Variants in NRG1 observed in about 807,000 individuals in gnomAD.
NRG1 encodes neuregulin 1.
In NRG1, 18 loss-of-function variants were observed where a neutral mutation model predicts 63.8. The ratio of observed to expected loss-of-function variants is 0.28; its 90% CI spans 0.19 to 0.42. The LOEUF (loss-of-function observed/expected upper bound fraction) is 0.42, where lower values mean the gene tolerates loss of function less well. Among genes scored for constraint, NRG1 ranks in the 10% least tolerant of loss-of-function variants. The pLI, the probability that NRG1 is intolerant of heterozygous loss-of-function variation, is 1.00. For synonymous variants in NRG1, 302 were observed against 301.3 expected, an observed-to-expected ratio of 1.00 and a Z score of -0.02; for missense variants, 762 against 814.7, an observed-to-expected ratio of 0.94 and a Z score of 0.79.
At chr8:32,686,711 A>C (rs1810239008) in intron 5 of NRG1, among the ~76,000 whole-genome samples, 1 of 152,224 alleles carries the variant, frequency 6.6e-6, no homozygotes, top group Admixed American at 6.5e-5. Context: ...CTGTCTAGAC[A>C]TGGAGTACAT....
At chr8:31,753,827 A>G (rs942271673) in intron 1 of NRG1, among the ~76,000 whole-genome samples, 2 of 152,006 alleles carry the variant, frequency 1.3e-5, no homozygotes, top group African/African-American at 4.8e-5. Flanking sequence ...ATTAGTTATT[A>G]TTTTAGTTCA....
At chr8:32,577,621 A>G (rs540180037) in intron 1 of NRG1, among the ~76,000 whole-genome samples, 4 of 152,350 alleles carry the variant, frequency 2.6e-5, no homozygotes, top group South Asian at 4.1e-4. Context: ...TGAACCTAAT[A>G]AAAAACTAGC....
At chr8:31,888,266 A>T (rs952551724) in intron 1 of NRG1, among the ~76,000 whole-genome samples, 1 of 152,102 alleles carries the variant, frequency 6.6e-6, no homozygotes, top group African/African-American at 2.4e-5. Context: ...TAAATTAAGT[A>T]TGTTGACAAT....
intron 1 of NRG1, among the ~76,000 whole-genome samples, chr8:32,570,788 A>T (rs780619289): frequency 1.4e-4 from 22 of 152,150 alleles, no homozygotes; most frequent in Non-Finnish European, 3.1e-4. Flanking sequence ...CAAATTATTG[A>T]TGATTATGGA....
chr8:31,944,655 T>G (rs752283460), intron 1 of NRG1, among the ~76,000 whole-genome samples: 8 of 152,160 alleles, frequency 5.3e-5, no homozygotes, highest in Non-Finnish European at 8.8e-5. Flanking sequence ...ATTTCACAGA[T>G]CCTAAACATG....
intron 1 of NRG1, among the ~76,000 whole-genome samples, chr8:32,359,245 A>C (rs1371290590): frequency 1.3e-5 from 2 of 152,232 alleles, no homozygotes; most frequent in African/African-American, 4.8e-5. Flanking sequence ...TAAGGAAAGC[A>C]TAATCACCTA....
intron 1 of NRG1, among the ~76,000 whole-genome samples, chr8:31,838,018 A>G (rs1825843859): frequency 6.6e-6 from 1 of 152,096 alleles, no homozygotes; most frequent in Admixed American, 6.6e-5. Context: ...GCTGGTTCAT[A>G]TATTTTTAAC....
chr8:32,388,274 T>C (rs1165782219), intron 1 of NRG1, among the ~76,000 whole-genome samples: 1 of 152,216 alleles, frequency 6.6e-6, no homozygotes, highest in Non-Finnish European at 1.5e-5. Flanking sequence ...TCTGTTGACA[T>C]AAGTAATTAG....
intron 5 of NRG1, among the ~76,000 whole-genome samples, chr8:32,717,939 A>G (rs1819660941): frequency 6.6e-6 from 1 of 152,188 alleles, no homozygotes; most frequent in African/African-American, 2.4e-5. Flanking sequence ...TGTTTAAAAC[A>G]TTTGTCAGAA....
intron 5 of NRG1, among the ~76,000 whole-genome samples, chr8:32,718,705 C>T (rs1303615385): frequency 6.6e-6 from 1 of 152,140 alleles, no homozygotes; most frequent in Non-Finnish European, 1.5e-5. Context: ...TACTTTCTTA[C>T]CTCCGCATTT....
At chr8:31,690,208 C>T (rs1245670701) in intron 1 of NRG1, among the ~76,000 whole-genome samples, 1 of 150,320 alleles carries the variant, frequency 6.7e-6, no homozygotes, top group Non-Finnish European at 1.5e-5. Flanking sequence ...TTCCTGAAGC[C>T]TCCCTAGCCA....
intron 1 of NRG1, among the ~76,000 whole-genome samples, chr8:31,830,555 TG>T (rs1300736695): frequency 1.3e-5 from 2 of 152,168 alleles, no homozygotes; most frequent in Non-Finnish European, 2.9e-5. Context: ...TGATTTCAGC[TG>T]AGGTTTGCTT....
chr8:31,997,184 C>CTTTTTTTT (rs56256338), intron 1 of NRG1, among the ~76,000 whole-genome samples: 2 of 137,460 alleles, frequency 1.5e-5, no homozygotes, highest in African/African-American at 2.7e-5. Context: ...ATAGTGTAAC[C>CTTTTTTTT]TTTTTTTTTT....
intron 1 of NRG1, among the ~76,000 whole-genome samples, chr8:32,159,535 C>T (rs868371529): frequency 1.1e-4 from 14 of 129,738 alleles, no homozygotes; most frequent in African/African-American, 4.5e-4. Flanking sequence ...AGCGAGACTC[C>T]GTCTCAAAAA....
At chr8:32,252,336 T>A in intron 1 of NRG1, among the ~76,000 whole-genome samples, 1 of 152,202 alleles carries the variant, frequency 6.6e-6, no homozygotes, top group East Asian at 1.9e-4. Flanking sequence ...AGGTCTTATG[T>A]GTAAGTCTTT....
chr8:31,853,648 G>A (rs1425590843), intron 1 of NRG1, among the ~76,000 whole-genome samples: 3 of 151,538 alleles, frequency 2.0e-5, no homozygotes, highest in Admixed American at 6.6e-5. Context: ...CCAACACTAT[G>A]TTGAATAGTA....
At chr8:32,228,478 A>AT (rs1374974809) in intron 1 of NRG1, among the ~76,000 whole-genome samples, 6 of 152,188 alleles carry the variant, frequency 3.9e-5, no homozygotes, top group Admixed American at 2.6e-4. Context: ...TAGTTTCAGT[A>AT]TAAAAAAGAT....
At chr8:32,749,854 C>A (rs1001884833) in intron 7 of NRG1, 11 of 494,716 alleles carry the variant, frequency 2.2e-5, no homozygotes, top group African/African-American at 1.6e-4. Context: ...ATATCCCACG[C>A]TGCTTAACCC....
intron 1 of NRG1, among the ~76,000 whole-genome samples, chr8:32,244,195 A>T (rs1352210516): frequency 6.6e-6 from 1 of 152,162 alleles, no homozygotes; most frequent in Non-Finnish European, 1.5e-5. Flanking sequence ...AAACATATTG[A>T]AAAACGTAGA....
Sources: allele counts gnomAD v4.1 joint callset (sites outside exome capture counted in the v4.1 genomes callset), GRCh38; gene constraint gnomAD v4.1.1; transcripts MANE v1.5; gene names NCBI Gene and HGNC (gene_info 2026-07-23, HGNC 2026-07-21).